C21orf58: variants seen among roughly 807,000 people sequenced by gnomAD.
The protein encoded by C21orf58 is uncharacterized protein C21orf58.
In C21orf58, 34 loss-of-function variants were observed where a neutral mutation model predicts 35.8. The ratio of observed to expected loss-of-function variants is 0.95; its 90% CI spans 0.72 to 1.26. C21orf58 has a LOEUF of 1.26. Among genes scored for constraint, C21orf58 ranks in the 50% most tolerant of loss-of-function variants. The pLI, the probability that C21orf58 is intolerant of heterozygous loss-of-function variation, is 0.00. For missense variants in C21orf58, 440 were observed against 414.3 expected, an observed-to-expected ratio of 1.06 and a Z score of -0.54; for synonymous variants, 191 against 175.8, an observed-to-expected ratio of 1.09 and a Z score of -0.68.
Position 46,322,632 on chromosome 21 carries a change from C to T in C21orf58, c.100+7G>A, listed in dbSNP as rs2083211007. The T allele has an allele frequency of 3.3e-6, 5 of 1,529,310 alleles. No individual in the cohort carries two copies. Among genetic ancestry groups the T allele is most frequent in the Non-Finnish European group, 4.4e-6 (5 of 1,135,652 alleles). The allele number at this position is 1,529,310 out of a possible 1,614,324, so 94.7% of individuals were successfully genotyped here. ...GGAACCAGGAGACCGCTGGACACCCCGCTCACCACACAGAAGACTGTGGCC... is the reference window on the plus strand; with the variant it reads ...GGAACCAGGAGACCGCTGGACACCCTGCTCACCACACAGAAGACTGTGGCC... On this transcript the variant is annotated splice_region_variant and intron_variant, in intron 1 of 7. Coordinates refer to ENST00000291691, the MANE Select transcript of C21orf58 (RefSeq NM_058180.5).
chr21:46,308,460 C>CA (rs992903772), intron 6 of C21orf58, among the ~76,000 whole-genome samples: 127 of 149,982 alleles, frequency 8.5e-4, no homozygotes, highest in South Asian at 1.7e-3. Context: ...GACTCCATCT[C>CA]AAAAAAAAAG....
intron 2 of C21orf58, among the ~76,000 whole-genome samples, chr21:46,317,796 C>G (rs2083028482): frequency 6.6e-6 from 1 of 152,378 alleles, no homozygotes; most frequent in East Asian, 1.9e-4. Context: ...AGACCCTGTG[C>G]TCAGTGGCCT....
At chr21:46,303,728 T>TATATA in intron 6 of C21orf58, among the ~76,000 whole-genome samples, 1 of 26,822 alleles carries the variant, frequency 3.7e-5, no homozygotes, top group East Asian at 6.4e-4. Flanking sequence ...TATATATATA[T>TATATA]ATATATATAT....
rs928048126 is a variant in C21orf58, at chr21:46,317,945, G to C, written c.309+67C>G. On this transcript the variant is annotated intron_variant, in intron 2 of 7. Coordinates refer to ENST00000291691, the MANE Select transcript of C21orf58 (RefSeq NM_058180.5). Reference sequence around the variant, plus strand: ...CATTCTGCACCTGCAGGGCTGTCTCGAAGAGTCCCTCCAACGCCACAGCCT... The same window carrying C: ...CATTCTGCACCTGCAGGGCTGTCTCCAAGAGTCCCTCCAACGCCACAGCCT... 3.2e-6 allele frequency: 5 copies of C among 1,561,642 alleles called. 1 individual carries two copies. The highest frequency in any genetic ancestry group is 1.2e-5 in the South Asian group (1 of 86,794).
Position 46,322,818 on chromosome 21 carries a change from A to T in C21orf58, c.-80T>A, listed in dbSNP as rs891511910. On this transcript the variant is annotated 5_prime_UTR_variant, in exon 1 of 8. Transcript: ENST00000291691. The stretch of plus-strand genomic sequence containing the variant: ...CTGAGCGAGATTCCAGGGCTTCCTG[A>T]GGGCGCGTTTAAGTTGCAGTTGCTG... 2.0e-6 allele frequency: 2 copies of T among 1,020,424 alleles called. No homozygotes were observed. Among genetic ancestry groups the T allele is most frequent in the Admixed American group, 3.6e-5 (1 of 27,478 alleles). 63.2% of individuals were successfully genotyped at this position (1,020,424 alleles called of 1,614,324 possible). A position where few individuals can be genotyped will look rare whatever the true frequency, so the allele number is the denominator to read the frequency against.
intron 1 of C21orf58, among the ~76,000 whole-genome samples, chr21:46,321,424 C>A (rs1206911166): frequency 6.6e-6 from 1 of 152,172 alleles, no homozygotes; most frequent in Non-Finnish European, 1.5e-5. Flanking sequence ...CACACTTTGA[C>A]AGTTTCCTTA....
chr21:46,303,731 ATATATATATATATATTTTTTT>A (rs1164102140), intron 6 of C21orf58, among the ~76,000 whole-genome samples: 10 of 28,432 alleles, frequency 3.5e-4, no homozygotes, highest in Non-Finnish European at 5.9e-4. Flanking sequence ...ATATATATAT[ATATATATATATATATTTTTTT>A]TTTTTTTTTT....
intron 6 of C21orf58, among the ~76,000 whole-genome samples, chr21:46,309,040 CA>C (rs1428974587): frequency 6.6e-6 from 1 of 152,146 alleles, no homozygotes; most frequent in Admixed American, 6.6e-5. Flanking sequence ...CAGATTTGGC[CA>C]GGCGCAGTGG....
At position 46,311,771 on chromosome 21, in the gene C21orf58, C is replaced by T. The variant is rs948926073; in HGVS notation, c.610-204G>A. 1.5e-5 allele frequency: 6 copies of T among 400,620 alleles called. No homozygotes were observed. The East Asian group carries it at 2.3e-4, about 15-fold the overall frequency. 24.8% of individuals were successfully genotyped at this position (400,620 alleles called of 1,614,324 possible). A position where few individuals can be genotyped will look rare whatever the true frequency, so the allele number is the denominator to read the frequency against. ...CCCACTCATCCATCCACCCATCCAT[C>T]CACCCACCCATCCATCCAACCAGCC... On this transcript the variant is annotated intron_variant, in intron 5 of 7. Transcript: ENST00000291691.
At chr21:46,314,955 G>C in intron 4 of C21orf58, 75 bp from the exon 5 acceptor site, 1 of 1,550,312 alleles carries the variant, frequency 6.5e-7, no homozygotes, top group Non-Finnish European at 8.7e-7. Flanking sequence ...CCAGCATCAG[G>C]CTCAGGCCAG....
chr21:46,322,057 G>A (rs1375420453), intron 1 of C21orf58, among the ~76,000 whole-genome samples: 2 of 152,132 alleles, frequency 1.3e-5, no homozygotes, highest in Non-Finnish European at 2.9e-5. Flanking sequence ...GAGAGGCCAA[G>A]GCAGGTGGAT....
At chr21:46,314,555 G>A (rs1773622717) in intron 5 of C21orf58, among the ~76,000 whole-genome samples, 161 bp downstream of exon 5, 1 of 152,250 alleles carries the variant, frequency 6.6e-6, no homozygotes, top group African/African-American at 2.4e-5. Flanking sequence ...GGCCCAGGCA[G>A]TGCCCAGGCA....
In C21orf58 at chr21:46,301,816, C is replaced by A. The variant is rs1017272717; in HGVS notation, c.*183G>T. On this transcript the variant is annotated 3_prime_UTR_variant, in exon 8 of 8. Coordinates refer to ENST00000291691, the MANE Select transcript of C21orf58 (RefSeq NM_058180.5). The stretch of plus-strand genomic sequence containing the variant: ...AGCAAGGGATGCCCCCTGGAATGGC[C>A]CCGTGACCAGAAAGCGAGCCTGCCC... 1 of 1,262,100 alleles carries A rather than the reference C, an allele frequency of 7.9e-7. No homozygotes were observed. 78.2% of individuals were successfully genotyped at this position (1,262,100 alleles called of 1,614,324 possible). A position where few individuals can be genotyped will look rare whatever the true frequency, so the allele number is the denominator to read the frequency against.
Position 46,323,833 on chromosome 21 carries a change from A to C in C21orf58, c.-1095T>G. 1 of 359,660 alleles carries C rather than the reference A, an allele frequency of 2.8e-6. No individual in the cohort carries two copies. The highest frequency in any genetic ancestry group is 2.2e-5 in the African/African-American group (1 of 45,846). 22.3% of individuals were successfully genotyped at this position (359,660 alleles called of 1,614,324 possible). On this transcript the variant is annotated 5_prime_UTR_variant, in exon 1 of 8. Coordinates refer to ENST00000291691, the MANE Select transcript of C21orf58 (RefSeq NM_058180.5). The stretch of plus-strand genomic sequence containing the variant: ...CGCTGTCCTGGTGGACACAAAGCCC[A>C]GGGGCCGCCCGCGCGGGACCAGCAG...
intron 5 of C21orf58, chr21:46,312,975 G>GA (rs2082807080): frequency 1.0e-6 from 1 of 985,254 alleles, no homozygotes; most frequent in Non-Finnish European, 1.2e-6. Context: ...ATTCGAGCAT[G>GA]AAAGGCCTTC....
intron 2 of C21orf58, chr21:46,317,471 GT>G: frequency 1.3e-6 from 1 of 798,836 alleles, no homozygotes; most frequent in Non-Finnish European, 2.0e-6. Flanking sequence ...GCAAATTCAT[GT>G]GTTCCATCCA....
rs11399715 is a variant in C21orf58, at chr21:46,301,477, G to GC, written c.*521_*522insG. On this transcript the variant is annotated 3_prime_UTR_variant, in exon 8 of 8. Coordinates refer to ENST00000291691, the MANE Select transcript of C21orf58 (RefSeq NM_058180.5). ...AGTGGGAGTCTGTGCCACAGCTGTG[G>GC]ACACAGGTGTCCCTAGTTATTAAAT... 984,604 of 984,618 alleles carry GC rather than the reference G, an allele frequency of 1. 492,295 individuals carry two copies. The highest frequency in any genetic ancestry group is 1 in the Middle Eastern group (1,914 of 1,914). The allele number at this position is 984,618 out of a possible 1,614,324, so 61.0% of individuals were successfully genotyped here. A position where few individuals can be genotyped will look rare whatever the true frequency, so the allele number is the denominator to read the frequency against.
chr21:46,322,336 G>T lies in C21orf58; in HGVS notation c.100+303C>A, dbSNP rs571650687. 9.5e-5 allele frequency: 50 copies of T among 523,866 alleles called. No homozygotes were observed. In the African/African-American group the frequency reaches 1.0e-3, roughly 11 times the overall value. 32.5% of individuals were successfully genotyped at this position (523,866 alleles called of 1,614,324 possible). A position where few individuals can be genotyped will look rare whatever the true frequency, so the allele number is the denominator to read the frequency against. ...GAAATAAGACCCAAGTCCAACATTA[G>T]CAGAACCTCTCTAGGATGTCCACAG... On this transcript the variant is annotated intron_variant, in intron 1 of 7. Coordinates refer to ENST00000291691, the MANE Select transcript of C21orf58 (RefSeq NM_058180.5).
rs1383330077 is a variant in C21orf58, at chr21:46,303,737, ATATATATATTTTTTTTTTTT to A, written c.722-1181_722-1162del. ...TATATATATATATATATATATATAT[ATATATATATTTTTTTTTTTT>A]TTTTTTTTTTTGGAGACAGAGTCTT... On this transcript the variant is annotated intron_variant, in intron 6 of 7. Transcript: ENST00000291691. Among the ~76,000 whole-genome samples, 21 of 30,198 alleles carry A rather than the reference ATATATATATTTTTTTTTTTT, an allele frequency of 7.0e-4. 2 individuals carry two copies. Among genetic ancestry groups the A allele is most frequent in the African/African-American group, 1.4e-3 (11 of 8,048 alleles). The allele number at this position is 30,198 out of a possible 152,430, so 19.8% of individuals were successfully genotyped here. A position where few individuals can be genotyped will look rare whatever the true frequency, so the allele number is the denominator to read the frequency against.
Sources: gnomAD v4.1 joint callset for allele counts (sites outside exome capture counted in the v4.1 genomes callset) on GRCh38, gnomAD v4.1.1 for gene constraint, MANE v1.5 for transcripts, NCBI Gene and HGNC (gene_info 2026-07-23, HGNC 2026-07-21) for gene names.